TTLL13: variants seen among roughly 807,000 people sequenced by gnomAD.
The protein encoded by TTLL13 is tubulin tyrosine ligase like 13.
At chr15:90,256,611 T>TTTCTTTCTTTCTTTC in the TTLL13 span, among the ~76,000 whole-genome samples, 3 of 43,132 alleles carry the variant, frequency 7.0e-5, no homozygotes, top group African/African-American at 3.9e-4. Context: ...CTTTCTTTCC[T>TTTCTTTCTTTCTTTC]TCCTTCCTTC....
chr15:90,258,680 G>A, the TTLL13 span: 1 of 1,410,732 alleles, frequency 7.1e-7, no homozygotes, highest in Non-Finnish European at 1.0e-6. Flanking sequence ...GTTAATGCCT[G>A]CAAGAGGCCA....
the TTLL13 span, chr15:90,255,843 C>CT: frequency 1.2e-6 from 2 of 1,614,206 alleles, no homozygotes; most frequent in Non-Finnish European, 1.7e-6. Flanking sequence ...CTCTATCCCT[C>CT]TGAGTACAAC....
chr15:90,264,110 G>A, the TTLL13 span: 1 of 1,179,594 alleles, frequency 8.5e-7, no homozygotes, highest in Non-Finnish European at 1.2e-6. Context: ...AATCCCACTA[G>A]CAAGCATAGA....
chr15:90,253,137 C>A, the TTLL13 span: 4 of 677,412 alleles, frequency 5.9e-6, no homozygotes, highest in Non-Finnish European at 5.0e-6. Flanking sequence ...GAACTACCTC[C>A]CTCTTCAACC....
chr15:90,264,919 C>G, the TTLL13 span: 2 of 1,536,096 alleles, frequency 1.3e-6, no homozygotes, highest in Non-Finnish European at 1.7e-6. Flanking sequence ...CGTCTGCACC[C>G]ATGCTGCAGC....
chr15:90,251,600 CA>C, the TTLL13 span: 1 of 1,613,832 alleles, frequency 6.2e-7, no homozygotes, highest in Non-Finnish European at 8.5e-7. Context: ...GAGTGGTAAG[CA>C]CCCAGCCCGT....
At chr15:90,257,844 C>G in the TTLL13 span, 2 of 1,053,560 alleles carry the variant, frequency 1.9e-6, no homozygotes, top group African/African-American at 3.1e-5. Context: ...CTTTATAGAC[C>G]CTGTCCTGTG....
At chr15:90,255,835 C>G in the TTLL13 span, 13 of 1,614,220 alleles carry the variant, frequency 8.1e-6, no homozygotes, top group Admixed American at 1.3e-4. Context: ...TGTACAAACT[C>G]TATCCCTCTG....
At chr15:90,258,839 G>T in the TTLL13 span, 4 of 1,614,176 alleles carry the variant, frequency 2.5e-6, no homozygotes, top group Non-Finnish European at 3.4e-6. Context: ...CAACCTCCGG[G>T]GCTGTGACAA....
At chr15:90,258,617 G>A in the TTLL13 span, 1 of 805,192 alleles carries the variant, frequency 1.2e-6, no homozygotes, top group South Asian at 1.7e-5. Flanking sequence ...GGAAGCCAGA[G>A]CATCCAGCCT....
At chr15:90,264,624 C>T in the TTLL13 span, 1 of 1,396,982 alleles carries the variant, frequency 7.2e-7, no homozygotes, top group Admixed American at 2.2e-5. Context: ...ATGAGATGCC[C>T]TTCCTCTGTG....
the TTLL13 span, chr15:90,258,880 AGT>A: frequency 6.2e-7 from 1 of 1,614,196 alleles, no homozygotes. Flanking sequence ...ATAAGCGGCG[AGT>A]CAAGGAACGG....
the TTLL13 span, chr15:90,264,897 C>G: frequency 1.3e-6 from 2 of 1,536,102 alleles, no homozygotes; most frequent in Admixed American, 3.9e-5. Context: ...GCCAAGGTTC[C>G]CCTCTGCCCT....
the TTLL13 span, chr15:90,258,270 G>A: frequency 9.3e-6 from 15 of 1,613,946 alleles, no homozygotes; most frequent in Non-Finnish European, 1.3e-5. Flanking sequence ...GCTGCTAGAG[G>A]TGAGGATTAT....
chr15:90,250,465 C>T, the TTLL13 span, among the ~76,000 whole-genome samples: 1 of 152,158 alleles, frequency 6.6e-6, no homozygotes, highest in South Asian at 2.1e-4. Context: ...CTGGACACAT[C>T]CCATTCCTCA....
At chr15:90,250,748 C>G in the TTLL13 span, 1 of 1,614,160 alleles carries the variant, frequency 6.2e-7, no homozygotes, top group South Asian at 1.1e-5. Flanking sequence ...ACAGCAGGCT[C>G]TCTTAAAAGC....
the TTLL13 span, chr15:90,265,166 T>G: frequency 7.9e-7 from 1 of 1,267,930 alleles, no homozygotes; most frequent in Non-Finnish European, 1.0e-6. Flanking sequence ...CGGTAAAGAC[T>G]AGAAGATGAA....
At chr15:90,258,616 A>T in the TTLL13 span, 1 of 798,146 alleles carries the variant, frequency 1.3e-6, no homozygotes, top group Non-Finnish European at 2.0e-6. Flanking sequence ...TGGAAGCCAG[A>T]GCATCCAGCC....
At chr15:90,250,835 G>T in the TTLL13 span, 1 of 1,614,178 alleles carries the variant, frequency 6.2e-7, no homozygotes, top group Non-Finnish European at 8.5e-7. Context: ...CATAGCCCCA[G>T]TTGACACAGG....
Sources: allele counts gnomAD v4.1 joint callset (sites outside exome capture counted in the v4.1 genomes callset), GRCh38; gene constraint gnomAD v4.1.1; transcripts MANE v1.5; gene names NCBI Gene and HGNC (gene_info 2026-07-23, HGNC 2026-07-21).